The following LCMT1 variants were observed in gnomAD, a reference collection of about 807,000 sequenced individuals.
LCMT1 encodes leucine carboxyl methyltransferase 1.
A neutral mutation model predicts 47.7 loss-of-function variants in LCMT1; 32 were observed. That is an observed-to-expected ratio of 0.67 (90% confidence interval 0.51 to 0.90). LCMT1 has a LOEUF of 0.90. Ranked by LOEUF, LCMT1 falls within the 40% of genes least tolerant of loss-of-function variation. The pLI, the probability that LCMT1 is intolerant of heterozygous loss-of-function variation, is 0.00. For missense variants in LCMT1, 375 were observed against 415.2 expected (o/e 0.90, Z 0.84); for synonymous variants, 152 against 149.7 (o/e 1.02, Z -0.11).
intron 7 of LCMT1, among the ~76,000 whole-genome samples, chr16:25,165,621 G>A (rs277905): frequency 0.23 from 34,546 of 151,642 alleles, 4,065 homozygotes; most frequent in East Asian, 0.34. Flanking sequence ...GGGTTCAAGC[G>A]ATTCTCCTGC....
intron 1 of LCMT1, among the ~76,000 whole-genome samples, chr16:25,119,727 C>T (rs1959909236): frequency 6.6e-6 from 1 of 152,138 alleles, no homozygotes; most frequent in African/African-American, 2.4e-5. Flanking sequence ...ATCCTGATGA[C>T]ATCTTCTTAG....
intron 5 of LCMT1, among the ~76,000 whole-genome samples, chr16:25,157,022 A>G (rs1288745528): frequency 6.6e-6 from 1 of 151,508 alleles, no homozygotes; most frequent in Non-Finnish European, 1.5e-5. Context: ...CTTATCAACA[A>G]TGATAATTAG....
chr16:25,170,881 C>G (rs1961744449), intron 9 of LCMT1, 76 bp downstream of exon 9: 2 of 903,986 alleles, frequency 2.2e-6, no homozygotes, highest in Non-Finnish European at 1.7e-6. Flanking sequence ...TTCTTTCATG[C>G]AGAAAAACAG....
intron 8 of LCMT1, among the ~76,000 whole-genome samples, chr16:25,169,828 C>G (rs1961698636): frequency 6.6e-6 from 1 of 152,042 alleles, no homozygotes; most frequent in African/African-American, 2.4e-5. Flanking sequence ...ATTGATATGT[C>G]CCTTAAACCT....
chr16:25,113,920 G>C (rs964152420), intron 1 of LCMT1, among the ~76,000 whole-genome samples: 11 of 152,202 alleles, frequency 7.2e-5, no homozygotes, highest in African/African-American at 2.7e-4. Context: ...ACAGGCATGA[G>C]CCACCCCACC....
At chr16:25,175,143 C>T (rs1961892441) in intron 10 of LCMT1, 109 bp downstream of exon 10, 8 of 644,394 alleles carry the variant, frequency 1.2e-5, no homozygotes, top group Non-Finnish European at 2.2e-5. Context: ...CTCTCTCTGT[C>T]CCTTCTTTCT....
At chr16:25,162,694 G>A (rs1479922799) in intron 6 of LCMT1, among the ~76,000 whole-genome samples, 1 of 152,158 alleles carries the variant, frequency 6.6e-6, no homozygotes. Context: ...AAATCTCTGA[G>A]AAATGCTATT....
At position 25,157,611 on chromosome 16, in the gene LCMT1, G is replaced by T. The variant is rs539421719; in HGVS notation, c.467-3491G>T. On this transcript the variant is annotated intron_variant, in intron 5 of 10. Coordinates refer to ENST00000399069, the MANE Select transcript of LCMT1 (RefSeq NM_016309.3). ...TAAAGTATATAAACTTAATGAGGCA[G>T]ATAATTAAAGCTTGTATCCATTAGC... Among the ~76,000 whole-genome samples, 38 of 152,294 alleles carry T rather than the reference G, an allele frequency of 2.5e-4. 1 individual carries two copies. In the South Asian group the frequency reaches 7.7e-3, roughly 31 times the overall value.
chr16:25,170,826 A>T, intron 9 of LCMT1, 21 bp downstream of exon 9: 1 of 1,517,120 alleles, frequency 6.6e-7, no homozygotes, highest in Non-Finnish European at 9.1e-7. Flanking sequence ...GGTGAGCGTC[A>T]GCTTGATGGG....
Position 25,170,706 on chromosome 16 carries a change from C to G in LCMT1, c.793-8C>G. 6.2e-7 allele frequency: 1 copy of G among 1,609,758 alleles called. No homozygotes were observed. The highest frequency in any genetic ancestry group is 8.5e-7 in the Non-Finnish European group (1 of 1,176,830). On this transcript the variant is annotated splice_region_variant and splice_polypyrimidine_tract_variant and intron_variant, in intron 8 of 10. Transcript: ENST00000399069. Reference sequence around the variant, plus strand: ...TAGTTCTCCATTTCTCTTCGTTGCACATTTTAGAAAGAACGGCTCCTGTCG... The same window carrying G: ...TAGTTCTCCATTTCTCTTCGTTGCAGATTTTAGAAAGAACGGCTCCTGTCG...
chr16:25,178,195 A>G lies in LCMT1; in HGVS notation c.*172A>G, dbSNP rs532645418. Reference sequence around the variant, plus strand: ...TGTTCCTCTTCCTGTTCCTGTTGACATGTCGTTGTTTAAATAAATCTCACT... The same window carrying G: ...TGTTCCTCTTCCTGTTCCTGTTGACGTGTCGTTGTTTAAATAAATCTCACT... On this transcript the variant is annotated 3_prime_UTR_variant, in exon 11 of 11. Coordinates refer to ENST00000399069, the MANE Select transcript of LCMT1 (RefSeq NM_016309.3). 11 of 600,266 alleles carry G rather than the reference A, an allele frequency of 1.8e-5. No homozygotes were observed. The highest frequency in any genetic ancestry group is 1.7e-5 in the Non-Finnish European group (6 of 345,692). 37.2% of individuals were successfully genotyped at this position (600,266 alleles called of 1,614,324 possible). A position where few individuals can be genotyped will look rare whatever the true frequency, so the allele number is the denominator to read the frequency against.
rs56127677 is a variant in LCMT1 at position 25,155,676 on chromosome 16, C to T, written c.466+4061C>T. ...TTTACTTTCTTTTCTTTCTTTCTTT[C>T]TTTTTTTTTTTTTTTGAGACAAGGT... On this transcript the variant is annotated intron_variant, in intron 5 of 10. Transcript: ENST00000399069. Among the ~76,000 whole-genome samples, 1,086 of 140,474 alleles carry T rather than the reference C, an allele frequency of 7.7e-3. 18 individuals carry two copies. The highest frequency in any genetic ancestry group is 0.027 in the African/African-American group (1,036 of 37,860). 92.2% of individuals were successfully genotyped at this position (140,474 alleles called of 152,430 possible). A position where few individuals can be genotyped will look rare whatever the true frequency, so the allele number is the denominator to read the frequency against.
intron 7 of LCMT1, among the ~76,000 whole-genome samples, chr16:25,165,894 A>G (rs1436723137): frequency 6.6e-6 from 1 of 152,166 alleles, no homozygotes; most frequent in East Asian, 1.9e-4. Context: ...AAATGAGTTA[A>G]TGTATTCAAA....
In LCMT1 at chr16:25,154,724, G is replaced by A. The variant is rs762804796; in HGVS notation, c.466+3109G>A. Among the ~76,000 whole-genome samples, 33 of 151,638 alleles carry A rather than the reference G, an allele frequency of 2.2e-4. 1 individual carries two copies. The highest frequency in any genetic ancestry group is 3.9e-4 in the Admixed American group (6 of 15,236). On this transcript the variant is annotated intron_variant, in intron 5 of 10. Transcript: ENST00000399069. The stretch of plus-strand genomic sequence containing the variant: ...AGGATGGTCTCGATCTCCTGACCTC[G>A]TGATCCACCGGCCTCGGCCTCCCAA...
chr16:25,160,561 A>G (rs1961396009), intron 5 of LCMT1, among the ~76,000 whole-genome samples: 1 of 152,210 alleles, frequency 6.6e-6, no homozygotes, highest in South Asian at 2.1e-4. Context: ...TCTTAATTCC[A>G]CTCATACTAT....
intron 3 of LCMT1, among the ~76,000 whole-genome samples, chr16:25,133,385 GTTTTTTTTTTTTTTTTTTT>G (rs1177872054): frequency 3.8e-5 from 2 of 52,620 alleles, no homozygotes; most frequent in East Asian, 8.3e-4. Flanking sequence ...CTGGGCTTAG[GTTTTTTTTTTTTTTTTTTT>G]TTTTTTTTTT....
At position 25,122,040 on chromosome 16, in the gene LCMT1, C is replaced by T. The variant is rs996567419; in HGVS notation, c.114-6435C>T. ...TAGTGTTGTGATCAGCATTTTTGCA[C>T]ATGTGTGTGAATTTTCTTGTGAAAT... On this transcript the variant is annotated intron_variant, in intron 1 of 10. Transcript: ENST00000399069. Among the ~76,000 whole-genome samples, 4 of 152,244 alleles carry T rather than the reference C, an allele frequency of 2.6e-5. No homozygotes were observed. In the Middle Eastern group the frequency reaches 0.01, roughly 388 times the overall value.
At chr16:25,118,543 A>G (rs1959870462) in intron 1 of LCMT1, among the ~76,000 whole-genome samples, 1 of 152,144 alleles carries the variant, frequency 6.6e-6, no homozygotes, top group East Asian at 1.9e-4. Flanking sequence ...TGGGTAGGGA[A>G]TAGCCAGGAA....
At chr16:25,157,745 G>A (rs1409307020) in intron 5 of LCMT1, among the ~76,000 whole-genome samples, 3 of 152,168 alleles carry the variant, frequency 2.0e-5, no homozygotes, top group Non-Finnish European at 4.4e-5. Flanking sequence ...TCTCAGCTGG[G>A]CTCATTCCAG....
Sources: gnomAD v4.1 joint callset for allele counts (sites outside exome capture counted in the v4.1 genomes callset) on GRCh38, gnomAD v4.1.1 for gene constraint, MANE v1.5 for transcripts, NCBI Gene and HGNC (gene_info 2026-07-23, HGNC 2026-07-21) for gene names.